ZBTB16: variants seen among roughly 807,000 people sequenced by gnomAD.
The protein encoded by ZBTB16 is zinc finger and BTB domain containing 16, also known as zinc finger and BTB domain-containing protein 16.
ZBTB16 carries 8 observed loss-of-function variants against 56.8 expected under a neutral mutation model. The ratio of observed to expected loss-of-function variants is 0.14; its 90% CI spans 0.08 to 0.25. The LOEUF is 0.25. ZBTB16 is among the 10% of genes least tolerant of loss of function. ZBTB16 has a pLI of 1.00. For synonymous variants in ZBTB16, 363 were observed against 368.5 expected (o/e 0.98, Z 0.17); for missense variants, 625 against 903.0 (o/e 0.69, Z 3.95).
rs143016909 is a variant in ZBTB16, at chr11:114,060,231, G to A, written c.-91+349G>A. On this transcript the variant is annotated intron_variant, in intron 1 of 6. Transcript: ENST00000335953. The surrounding 1 kb of genome is among the most constrained non-coding windows in gnomAD (Gnocchi z 6.0). ...CGGAGGCTTTGTACCGCCAGGGGCT[G>A]GCGGAGCAACAGAGCCCGTGGGTGC... 0.024 allele frequency: 3,816 copies of A among 159,292 alleles called. 72 individuals are homozygous for A. The highest frequency in any genetic ancestry group is 0.041 in the Middle Eastern group (13 of 316). The allele number at this position is 159,292 out of a possible 1,614,324, so 9.9% of individuals were successfully genotyped here.
At chr11:114,084,402 CAG>C (rs1401344676) in intron 2 of ZBTB16, among the ~76,000 whole-genome samples, 1 of 152,210 alleles carries the variant, frequency 6.6e-6, no homozygotes, top group East Asian at 1.9e-4. Context: ...GCTCTTCCCT[CAG>C]AGTGTCCAAC....
chr11:114,087,248 C>T (rs1939988238), intron 2 of ZBTB16, among the ~76,000 whole-genome samples: 1 of 152,250 alleles, frequency 6.6e-6, no homozygotes, highest in Admixed American at 6.5e-5. Context: ...GTTCTCCTGT[C>T]TCTCCAGTGT....
intron 2 of ZBTB16, among the ~76,000 whole-genome samples, chr11:114,120,620 C>G (rs755553874): frequency 6.6e-6 from 1 of 152,240 alleles, no homozygotes; most frequent in Non-Finnish European, 1.5e-5. Flanking sequence ...CTGCTCCACA[C>G]TCACCACTGG....
intron 3 of ZBTB16, among the ~76,000 whole-genome samples, chr11:114,169,654 G>A (rs1238740317): frequency 6.6e-6 from 1 of 152,210 alleles, no homozygotes; most frequent in Non-Finnish European, 1.5e-5. Context: ...CTGGTGGTCT[G>A]GCTGAGAGGG....
At chr11:114,179,403 A>C (rs542653870) in intron 3 of ZBTB16, among the ~76,000 whole-genome samples, 1 of 152,142 alleles carries the variant, frequency 6.6e-6, no homozygotes, top group Non-Finnish European at 1.5e-5. Context: ...GTCTGATAAG[A>C]GGTACTGTAA....
intron 2 of ZBTB16, among the ~76,000 whole-genome samples, chr11:114,089,474 A>G (rs1485925019): frequency 6.6e-6 from 1 of 152,256 alleles, no homozygotes; most frequent in Non-Finnish European, 1.5e-5. Flanking sequence ...TTTCTACCCC[A>G]GTACCCAACC....
At chr11:114,230,150 G>C (rs745683585) in intron 4 of ZBTB16, among the ~76,000 whole-genome samples, 1 of 152,104 alleles carries the variant, frequency 6.6e-6, no homozygotes, top group African/African-American at 2.4e-5. Context: ...TCCTGGGCTC[G>C]ATTTATTGTT....
At chr11:114,154,164 GA>G (rs1942345944) in intron 2 of ZBTB16, among the ~76,000 whole-genome samples, 1 of 152,202 alleles carries the variant, frequency 6.6e-6, no homozygotes, top group African/African-American at 2.4e-5. Flanking sequence ...GGGAGCCCCA[GA>G]GGGGAGTTTA....
At chr11:114,132,554 G>A (rs1037760878) in intron 2 of ZBTB16, among the ~76,000 whole-genome samples, 1 of 152,190 alleles carries the variant, frequency 6.6e-6, no homozygotes, top group African/African-American at 2.4e-5. Context: ...CCCTCCCTGA[G>A]CCTCCATCCT....
At chr11:114,090,774 T>C (rs1180355299) in intron 2 of ZBTB16, among the ~76,000 whole-genome samples, 3 of 152,216 alleles carry the variant, frequency 2.0e-5, no homozygotes, top group Admixed American at 6.5e-5. Flanking sequence ...ACCCATGGGT[T>C]CCCTGCTGCC....
intron 2 of ZBTB16, among the ~76,000 whole-genome samples, chr11:114,099,165 T>G (rs918280658): frequency 2.0e-5 from 3 of 152,164 alleles, no homozygotes; most frequent in Non-Finnish European, 4.4e-5. Flanking sequence ...TTCAGAAGCT[T>G]GTATCCTCCT....
intron 2 of ZBTB16, among the ~76,000 whole-genome samples, chr11:114,097,782 A>G (rs1335047629): frequency 6.6e-6 from 1 of 152,160 alleles, no homozygotes; most frequent in Non-Finnish European, 1.5e-5. Context: ...GCTCTGAGAC[A>G]TTCTCTAGTT....
chr11:114,086,294 G>A (rs542451045), intron 2 of ZBTB16, among the ~76,000 whole-genome samples: 1 of 152,130 alleles, frequency 6.6e-6, no homozygotes, highest in Non-Finnish European at 1.5e-5. Flanking sequence ...CACCCCCACT[G>A]GCACTTGGAT....
intron 3 of ZBTB16, among the ~76,000 whole-genome samples, chr11:114,163,303 G>A (rs574315680): frequency 4.0e-5 from 6 of 150,130 alleles, no homozygotes; most frequent in Admixed American, 1.3e-4. Flanking sequence ...GCTGGGATCC[G>A]AAACCCTGCT....
chr11:114,238,598 G>A (rs557708567), intron 4 of ZBTB16, among the ~76,000 whole-genome samples: 78 of 152,052 alleles, frequency 5.1e-4, no homozygotes, highest in Non-Finnish European at 8.5e-4. Flanking sequence ...CATCACCTTA[G>A]GGGTTAGGAT....
intron 4 of ZBTB16, among the ~76,000 whole-genome samples, chr11:114,219,076 G>T (rs192876494): frequency 4.6e-5 from 7 of 152,176 alleles, no homozygotes; most frequent in Non-Finnish European, 1.0e-4. Context: ...ATGCATGTAC[G>T]TGCGTGTATA....
chr11:114,206,862 C>T (rs971489363), intron 4 of ZBTB16, among the ~76,000 whole-genome samples: 1 of 152,206 alleles, frequency 6.6e-6, no homozygotes, highest in Non-Finnish European at 1.5e-5. Flanking sequence ...GGCTTCTGCA[C>T]ACAGCATTTC....
intron 5 of ZBTB16, among the ~76,000 whole-genome samples, chr11:114,243,812 T>G (rs1944762157): frequency 6.6e-6 from 1 of 152,226 alleles, no homozygotes; most frequent in Admixed American, 6.5e-5. Flanking sequence ...GTGACTTGAA[T>G]GATCTCAGTC....
rs79819951 is a variant in ZBTB16, at chr11:114,213,367, A to T, written c.1453+26329A>T. 5.3e-3 allele frequency among the ~76,000 whole-genome samples: 802 copies of T among 152,346 alleles called. 7 individuals are homozygous for T. Among genetic ancestry groups the T allele is most frequent in the African/African-American group, 0.018 (729 of 41,588 alleles). The stretch of plus-strand genomic sequence containing the variant: ...ATCCCACCACCTCCTCATTTAAAAA[A>T]TGCAATACAAAGAATTTTCTTCTAA... On this transcript the variant is annotated intron_variant, in intron 4 of 6. Coordinates refer to ENST00000335953, the MANE Select transcript of ZBTB16 (RefSeq NM_006006.6).
Sources: gnomAD v4.1 joint callset for allele counts (sites outside exome capture counted in the v4.1 genomes callset) on GRCh38, gnomAD v4.1.1 for gene constraint, Gnocchi (gnomAD v3.1) non-coding constraint, MANE v1.5 for transcripts, NCBI Gene and HGNC (gene_info 2026-07-23, HGNC 2026-07-21) for gene names.